The following LDB3 variants were observed in gnomAD, a reference collection of about 807,000 sequenced individuals.
The protein encoded by LDB3 is LIM domain-binding protein 3.
LDB3 carries 49 observed loss-of-function variants against 69.0 expected under a neutral mutation model. The ratio of observed to expected loss-of-function variants is 0.71; its 90% confidence interval spans 0.56 to 0.90. LDB3 has a LOEUF of 0.90. Ranked by LOEUF, LDB3 falls within the 40% of genes least tolerant of loss-of-function variation. The pLI is 0.00. For missense variants in LDB3, 928 were observed against 974.1 expected (o/e 0.95, Z 0.63); for synonymous variants, 387 against 396.2 (o/e 0.98, Z 0.28).
At chr10:86,687,303 G>A in intron 5 of LDB3, 2 of 1,604,594 alleles carry the variant, frequency 1.2e-6, no homozygotes, top group South Asian at 1.1e-5. Flanking sequence ...CCGCCACTCA[G>A]TGCCTCCAGA....
chr10:86,727,458 A>G lies in LDB3; in HGVS notation c.2094+1206A>G, dbSNP rs564666264. 5.3e-4 allele frequency among the ~76,000 whole-genome samples: 80 copies of G among 152,336 alleles called. No homozygotes were observed. In the South Asian group the frequency reaches 6.4e-3, roughly 12 times the overall value. ...TAGACTTCTGACATAGGATGACCCTAGTCATAAAGTTTACGGCCATATACT... is the reference window on the plus strand; with the variant it reads ...TAGACTTCTGACATAGGATGACCCTGGTCATAAAGTTTACGGCCATATACT... On this transcript the variant is annotated intron_variant, in intron 13 of 13. Transcript: ENST00000361373.
At chr10:86,677,537 C>A (rs1233394902) in intron 2 of LDB3, among the ~76,000 whole-genome samples, 1 of 152,152 alleles carries the variant, frequency 6.6e-6, no homozygotes, top group Non-Finnish European at 1.5e-5. Context: ...GCAGTCTGAG[C>A]CACGATGACA....
In LDB3 at chr10:86,706,575, C is replaced by T. The variant is rs1564651912; in HGVS notation, c.941C>T (p.Thr314Ile). The stretch of plus-strand genomic sequence containing the variant: ...CCGGTGTGCACCAGCCAGGCCACCA[C>T]CCCGCTGCTGCCCGCTTCTGCCCAG... The part of the protein sequence containing the change: ...HAPVCTSQAT[T>I]PLLPASAQPP... Residue 314 changes from threonine to isoleucine, a missense_variant, in exon 8 of 14, where the codon ACC becomes ATC. By Grantham distance (89) the Thr-to-Ile change is moderately conservative (BLOSUM62 -1). Coordinates refer to ENST00000361373, the MANE Select transcript of LDB3 (RefSeq NM_007078.3). The T allele has an allele frequency of 1.9e-6, 3 of 1,613,200 alleles. No homozygotes were observed.
intron 7 of LDB3, among the ~76,000 whole-genome samples, chr10:86,697,218 T>G (rs1407639517): frequency 8.2e-6 from 1 of 121,610 alleles, no homozygotes; most frequent in Non-Finnish European, 1.6e-5. Flanking sequence ...CAATTCACTT[T>G]TTTTTTTTTT....
chr10:86,671,445 G>C (rs1844468366), intron 2 of LDB3, among the ~76,000 whole-genome samples: 1 of 152,184 alleles, frequency 6.6e-6, no homozygotes, highest in Non-Finnish European at 1.5e-5. Context: ...TCCCTTCATA[G>C]GGTCTCTGCT....
In LDB3 at chr10:86,680,175, C is replaced by T. The variant is rs751683115; in HGVS notation, c.321+18C>T. The T allele has an allele frequency of 6.7e-5, 108 of 1,610,090 alleles. No homozygotes were observed. Among genetic ancestry groups the T allele is most frequent in the Non-Finnish European group, 9.0e-5 (106 of 1,176,714 alleles). On this transcript the variant is annotated intron_variant, in intron 4 of 13. Coordinates refer to ENST00000361373, the MANE Select transcript of LDB3 (RefSeq NM_007078.3). ...ACCAGAAGGTAGGTGCTGACTGTGGCGGCGGGGTCCACTCAGCCCTGGTTC... is the reference window on the plus strand; with the variant it reads ...ACCAGAAGGTAGGTGCTGACTGTGGTGGCGGGGTCCACTCAGCCCTGGTTC...
chr10:86,675,758 G>A lies in LDB3; in HGVS notation c.94-3609G>A, dbSNP rs115672177. Among the ~76,000 whole-genome samples, 1,419 of 152,380 alleles carry A rather than the reference G, an allele frequency of 9.3e-3. 31 individuals carry two copies. The highest frequency in any genetic ancestry group is 0.032 in the African/African-American group (1,315 of 41,596). On this transcript the variant is annotated intron_variant, in intron 2 of 13. Coordinates refer to ENST00000361373, the MANE Select transcript of LDB3 (RefSeq NM_007078.3). ...TGTGATAAAGCAAAGCGAGTGAAAT[G>A]TTATGGTACAGCCATGGTGGCGGGT...
intron 8 of LDB3, among the ~76,000 whole-genome samples, chr10:86,708,437 C>T (rs78837280): frequency 0.074 from 11,326 of 152,280 alleles, 493 homozygotes; most frequent in African/African-American, 0.081. Context: ...TAAGCCTCTG[C>T]TCCCTTTCCC....
chr10:86,670,849 G>A (rs534808835), intron 2 of LDB3, among the ~76,000 whole-genome samples: 6 of 152,338 alleles, frequency 3.9e-5, no homozygotes, highest in South Asian at 2.1e-4. Flanking sequence ...CCCAGGGCTC[G>A]GAGCCTCTTG....
At chr10:86,682,540 T>TG (rs1217532979) in intron 5 of LDB3, among the ~76,000 whole-genome samples, 1 of 152,156 alleles carries the variant, frequency 6.6e-6, no homozygotes, top group Non-Finnish European at 1.5e-5. Context: ...GTCCCCACAC[T>TG]GGGCCTGTGT....
At chr10:86,704,512 C>T (rs115120690) in intron 7 of LDB3, among the ~76,000 whole-genome samples, 3,794 of 151,034 alleles carry the variant, frequency 0.025, 157 homozygotes, top group African/African-American at 0.082. Context: ...CTCTGCCTCC[C>T]GGGTTCAAGG....
chr10:86,726,111 G>A (rs1465087868), intron 12 of LDB3, 26 bp from the exon 13 acceptor site: 2 of 1,570,494 alleles, frequency 1.3e-6, no homozygotes. Flanking sequence ...CTGGGTGCGG[G>A]GTCTTCACTC....
chr10:86,726,801 C>T (rs1165839910), intron 13 of LDB3, among the ~76,000 whole-genome samples: 1 of 152,148 alleles, frequency 6.6e-6, no homozygotes, highest in East Asian at 1.9e-4. Flanking sequence ...GGAGATAAGC[C>T]CTGGATTAAC....
intron 13 of LDB3, among the ~76,000 whole-genome samples, chr10:86,731,091 G>A (rs1296493991): frequency 6.7e-6 from 1 of 149,734 alleles, no homozygotes; most frequent in South Asian, 2.1e-4. Flanking sequence ...GGAGGCAGAG[G>A]TTGCAGTGAG....
In LDB3 at chr10:86,712,190, C is replaced by T. The variant is rs955625369; in HGVS notation, c.1231+2140C>T. Among the ~76,000 whole-genome samples the T allele has an allele frequency of 3.9e-5, 6 of 152,106 alleles. No homozygotes were observed. The East Asian group carries it at 1.2e-3, about 30-fold the overall frequency. ...GCCACCGAGGCCGGGGAGGTTCCTT[C>T]TCTGGGTGGGTTAGCCCCAAGCAAG... On this transcript the variant is annotated intron_variant, in intron 9 of 13. Transcript: ENST00000361373.
chr10:86,720,385 A>T (rs779336165), intron 12 of LDB3, among the ~76,000 whole-genome samples: 2 of 151,858 alleles, frequency 1.3e-5, no homozygotes, highest in African/African-American at 2.4e-5. Flanking sequence ...CAGAGGTTGC[A>T]GTGAGCTGAG....
chr10:86,706,337 T>C (rs1209011265), intron 7 of LDB3, among the ~76,000 whole-genome samples, 194 bp from the exon 8 acceptor site: 3 of 152,220 alleles, frequency 2.0e-5, no homozygotes, highest in African/African-American at 7.2e-5. Flanking sequence ...TCTGAGCCTC[T>C]GCTCCTGGGA....
chr10:86,669,236 G>C (rs1212647994), intron 2 of LDB3, among the ~76,000 whole-genome samples: 2 of 152,208 alleles, frequency 1.3e-5, no homozygotes, highest in African/African-American at 2.4e-5. Context: ...CAGACAGACG[G>C]TTGACCTTGG....
intron 1 of LDB3, 49 bp from the exon 2 acceptor site, chr10:86,668,620 G>T (rs998168200): frequency 8.5e-7 from 1 of 1,179,054 alleles, no homozygotes. Context: ...CGGGCAGGCG[G>T]AGTGCCTGAG....
Sources: allele counts gnomAD v4.1 joint callset (sites outside exome capture counted in the v4.1 genomes callset), GRCh38; gene constraint gnomAD v4.1.1; transcripts MANE v1.5; gene names NCBI Gene and HGNC (gene_info 2026-07-23, HGNC 2026-07-21).